The following CSMD1 variants were observed in gnomAD, a reference collection of about 807,000 sequenced individuals.
CSMD1 encodes the protein CUB and sushi domain-containing protein 1.
A neutral mutation model predicts 417.5 loss-of-function variants in CSMD1; 213 were observed. The ratio of observed to expected loss-of-function variants is 0.51; its 90% confidence interval spans 0.46 to 0.57. The LOEUF (loss-of-function observed/expected upper bound fraction) is 0.57. Ranked by LOEUF, CSMD1 falls within the 20% of genes least tolerant of loss-of-function variation. The probability of loss-of-function intolerance (pLI) is 0.00; values close to 1 mark genes in which losing one functional copy is unlikely to be tolerated. For missense variants in CSMD1, 6,923 were observed against 4,529.7 expected (o/e 1.53, Z -15.17); for synonymous variants, 2,862 against 1,736.8 (o/e 1.65, Z -16.11).
chr8:3,168,614 GAGTC>G (rs1345411776), intron 37 of CSMD1, among the ~76,000 whole-genome samples: 1 of 144,974 alleles, frequency 6.9e-6, no homozygotes, highest in Non-Finnish European at 1.5e-5. Flanking sequence ...AGTGTGTAAG[GAGTC>G]AGTAAGTCTT....
At chr8:4,851,551 A>G (rs2116833049) in intron 1 of CSMD1, among the ~76,000 whole-genome samples, 1 of 152,110 alleles carries the variant, frequency 6.6e-6, no homozygotes, top group South Asian at 2.1e-4. Flanking sequence ...CTACCCCCAT[A>G]GGTTCAGAAC....
chr8:3,719,590 G>C (rs548251377), intron 6 of CSMD1, among the ~76,000 whole-genome samples: 2 of 152,188 alleles, frequency 1.3e-5, no homozygotes, highest in Admixed American at 6.5e-5. Context: ...TCTTGCAAGA[G>C]TGCTGTGATG....
At chr8:4,559,557 G>A (rs570219187) in intron 2 of CSMD1, among the ~76,000 whole-genome samples, 1 of 152,324 alleles carries the variant, frequency 6.6e-6, no homozygotes, top group East Asian at 1.9e-4. Flanking sequence ...CTTTTGTTGT[G>A]TGTGTAAGTC....
intron 3 of CSMD1, among the ~76,000 whole-genome samples, chr8:4,196,219 A>G (rs778711904): frequency 6.6e-6 from 1 of 152,152 alleles, no homozygotes; most frequent in African/African-American, 2.4e-5. Context: ...TCAAAAATAA[A>G]TAAATAAATA....
intron 11 of CSMD1, among the ~76,000 whole-genome samples, chr8:3,482,981 G>C (rs561945737): frequency 1.3e-5 from 2 of 152,010 alleles, no homozygotes; most frequent in Non-Finnish European, 2.9e-5. Flanking sequence ...AGATAAAACA[G>C]TGCCAAGAGG....
At chr8:4,253,662 G>A (rs959056974) in intron 3 of CSMD1, among the ~76,000 whole-genome samples, 6 of 151,418 alleles carry the variant, frequency 4.0e-5, no homozygotes, top group South Asian at 2.1e-4. Flanking sequence ...ACACACAATC[G>A]TTTGCAACAT....
rs1563354503 is a variant in CSMD1, at chr8:3,406,057, C to G, written c.2236G>C (p.Val746Leu). ...CAGCGGGGCACGGTGGAGCTCCAGA[C>G]CACGTTCCCGTCTTGCAGTATGCAG... ...ITCILQDGNVVWSSTVPRCEA... is the reference protein window; with the variant it reads ...ITCILQDGNVLWSSTVPRCEA... Residue 746 changes from valine (V) to leucine (L), a missense_variant, in exon 15 of 70, where the codon GTC becomes CTC. Val to Leu is a conservative substitution (Grantham distance 32, BLOSUM62 1). Coordinates refer to ENST00000635120, the MANE Select transcript of CSMD1 (RefSeq NM_033225.6). The G allele has an allele frequency of 3.7e-6, 6 of 1,613,944 alleles. No individual in the cohort carries two copies. Among genetic ancestry groups the G allele is most frequent in the Non-Finnish European group, 5.1e-6 (6 of 1,179,870 alleles).
chr8:3,915,971 T>C (rs1006603318), intron 5 of CSMD1, among the ~76,000 whole-genome samples: 5 of 151,392 alleles, frequency 3.3e-5, no homozygotes, highest in Admixed American at 1.3e-4. Context: ...ACTGGAAGCA[T>C]TTGAGTGAGA....
chr8:3,120,755 A>G (rs948044299), intron 41 of CSMD1, among the ~76,000 whole-genome samples: 10 of 152,038 alleles, frequency 6.6e-5, no homozygotes, highest in Non-Finnish European at 1.0e-4. Flanking sequence ...GCTGAGGCAG[A>G]AGAATCGCTT....
chr8:4,175,423 A>G (rs544500131), intron 3 of CSMD1, among the ~76,000 whole-genome samples: 3 of 152,120 alleles, frequency 2.0e-5, no homozygotes, highest in Non-Finnish European at 4.4e-5. Flanking sequence ...GTTCAACGGA[A>G]TATGTTTAAG....
chr8:3,757,764 G>C (rs1489733466), intron 5 of CSMD1, among the ~76,000 whole-genome samples: 1 of 151,874 alleles, frequency 6.6e-6, no homozygotes, highest in African/African-American at 2.4e-5. Context: ...CAAGAGAATT[G>C]CTTGAACCTG....
intron 40 of CSMD1, among the ~76,000 whole-genome samples, chr8:3,149,142 C>G (rs1328731601): frequency 6.6e-6 from 1 of 152,070 alleles, no homozygotes; most frequent in Non-Finnish European, 1.5e-5. Context: ...TGAATTTAGA[C>G]AATTTGGTTT....
chr8:4,313,685 G>T (rs780811318), intron 3 of CSMD1, among the ~76,000 whole-genome samples: 2 of 152,000 alleles, frequency 1.3e-5, no homozygotes, highest in African/African-American at 4.8e-5. Flanking sequence ...AGCTCTGAAA[G>T]TTTCAGACAT....
In CSMD1 at chr8:4,392,543, A is replaced by G. The variant is rs78537899; in HGVS notation, c.415+27410T>C. ...TGTGGAGATGGGAGTGTCATTGGTC[A>G]CTAGGAAACTTAAATATAAAAACTT... On this transcript the variant is annotated intron_variant, in intron 3 of 69. Coordinates refer to ENST00000635120, the MANE Select transcript of CSMD1 (RefSeq NM_033225.6). Among the ~76,000 whole-genome samples, 584 of 152,254 alleles carry G rather than the reference A, an allele frequency of 3.8e-3. 21 individuals are homozygous for G. The East Asian group carries it at 0.083, about 22-fold the overall frequency.
intron 5 of CSMD1, among the ~76,000 whole-genome samples, chr8:3,858,121 C>T (rs1370615115): frequency 1.3e-5 from 2 of 152,188 alleles, no homozygotes; most frequent in African/African-American, 4.8e-5. Flanking sequence ...CAAATCACTT[C>T]GATCTTAGCT....
intron 52 of CSMD1, among the ~76,000 whole-genome samples, chr8:3,006,183 G>C (rs1162337626): frequency 6.6e-6 from 1 of 151,550 alleles, no homozygotes; most frequent in Non-Finnish European, 1.5e-5. Context: ...TTGCTTCAAA[G>C]AGAATAAAAT....
chr8:4,904,359 A>G (rs73505881), intron 1 of CSMD1, among the ~76,000 whole-genome samples: 3,688 of 152,324 alleles, frequency 0.024, 136 homozygotes, highest in African/African-American at 0.082. Flanking sequence ...ACAGCATGCA[A>G]GAAGGTTGGG....
intron 3 of CSMD1, among the ~76,000 whole-genome samples, chr8:4,281,100 T>G (rs2128859542): frequency 6.6e-6 from 1 of 152,320 alleles, no homozygotes; most frequent in South Asian, 2.1e-4. Context: ...TGTACCAGGA[T>G]GGTATGAGGC....
chr8:3,948,001 T>C (rs1396104495), intron 5 of CSMD1, among the ~76,000 whole-genome samples: 3 of 152,176 alleles, frequency 2.0e-5, no homozygotes, highest in Non-Finnish European at 4.4e-5. Context: ...AAGTCAGGTG[T>C]TCGAGACCAG....
Sources: gnomAD v4.1 joint callset for allele counts (sites outside exome capture counted in the v4.1 genomes callset) on GRCh38, gnomAD v4.1.1 for gene constraint, MANE v1.5 for transcripts, NCBI Gene and HGNC (gene_info 2026-07-23, HGNC 2026-07-21) for gene names.